ABHD5: variants seen among roughly 807,000 people sequenced by gnomAD.
The protein encoded by ABHD5 is 1-acylglycerol-3-phosphate O-acyltransferase ABHD5.
ABHD5 carries 30 observed loss-of-function variants against 44.9 expected under a neutral mutation model. The observed-to-expected ratio is 0.67, with a 90% CI of 0.50 to 0.91. ABHD5 has a LOEUF of 0.91. Ranked by LOEUF, ABHD5 falls within the 40% of genes least tolerant of loss-of-function variation. The probability of loss-of-function intolerance (pLI) is 0.00; values close to 1 mark genes in which losing one functional copy is unlikely to be tolerated. For synonymous variants in ABHD5, 167 were observed against 147.0 expected, an observed-to-expected ratio of 1.14 and a Z score of -0.99; for missense variants, 399 against 423.4, an observed-to-expected ratio of 0.94 and a Z score of 0.50.
In ABHD5 at chr3:43,718,563, TG is replaced by T; in HGVS notation, c.*32del. The stretch of plus-strand genomic sequence containing the variant: ...CTGAAGCTCTGATGGGAAAACCTGG[TG>T]ACTGATATAGTTGTTCAGCAATAAT... On this transcript the variant is annotated 3_prime_UTR_variant, in exon 7 of 7. Transcript: ENST00000644371. 2 of 1,589,308 alleles carry T rather than the reference TG, an allele frequency of 1.3e-6. No individual in the cohort carries two copies. The highest frequency in any genetic ancestry group is 2.7e-5 in the African/African-American group (2 of 74,524).
At chr3:43,732,311 T>C in intron 7 of ABHD5, among the ~76,000 whole-genome samples, 1 of 152,100 alleles carries the variant, frequency 6.6e-6, no homozygotes, top group East Asian at 1.9e-4. Flanking sequence ...GTGCCTGTAA[T>C]TCCAGCTACT....
intron 3 of ABHD5, 90 bp downstream of exon 3, chr3:43,702,677 G>GC: frequency 6.3e-7 from 1 of 1,589,968 alleles, no homozygotes; most frequent in Non-Finnish European, 8.6e-7. Context: ...TAGTGTCTGA[G>GC]CCACAAGGCA....
intron 3 of ABHD5, among the ~76,000 whole-genome samples, chr3:43,710,984 T>G (rs562352988): frequency 5.3e-5 from 8 of 152,206 alleles, no homozygotes; most frequent in Non-Finnish European, 7.3e-5. Context: ...TAATTGTATA[T>G]GAAGTTCTAC....
chr3:43,725,163 C>T (rs1423372286), downstream of ABHD5, among the ~76,000 whole-genome samples: 1 of 152,098 alleles, frequency 6.6e-6, no homozygotes, highest in African/African-American at 2.4e-5. Flanking sequence ...CTAAGAAACA[C>T]AGCCCCAATA....
chr3:43,692,274 A>G (rs1575597101), intron 1 of ABHD5, among the ~76,000 whole-genome samples: 1 of 152,186 alleles, frequency 6.6e-6, no homozygotes, highest in African/African-American at 2.4e-5. Context: ...AGTTTTGTTT[A>G]TTTGTTGAGG....
At chr3:43,702,623 G>A in intron 3 of ABHD5, 36 bp downstream of exon 3, 1 of 1,613,954 alleles carries the variant, frequency 6.2e-7, no homozygotes, top group South Asian at 1.1e-5. Flanking sequence ...GATTATAACT[G>A]TGCTTCCAAG....
chr3:43,692,604 C>T (rs778365328), intron 1 of ABHD5, among the ~76,000 whole-genome samples: 4 of 152,222 alleles, frequency 2.6e-5, no homozygotes, highest in Non-Finnish European at 4.4e-5. Context: ...TATGCTTTAG[C>T]AGTGTCCAGT....
chr3:43,711,561 G>A, intron 3 of ABHD5, 148 bp from the exon 4 acceptor site: 1 of 852,370 alleles, frequency 1.2e-6, no homozygotes. Context: ...CAGAATAAGA[G>A]CATGATACGA....
Position 43,714,302 on chromosome 3 carries a change from T to G in ABHD5, c.662-645T>G, listed in dbSNP as rs865971087. On this transcript the variant is annotated intron_variant, in intron 4 of 6. Coordinates refer to ENST00000644371, the MANE Select transcript of ABHD5 (RefSeq NM_016006.6). ...GGTGCACGCCACCACGCCCGGCTAA[T>G]TTTTGTATTTTTAGTAGAGACAGGG... 5.1e-4 allele frequency among the ~76,000 whole-genome samples: 78 copies of G among 151,982 alleles called. 1 individual carries two copies. Among genetic ancestry groups the G allele is most frequent in the Admixed American group, 4.3e-3 (65 of 15,276 alleles).
At chr3:43,696,790 C>G (rs568992994) in intron 1 of ABHD5, among the ~76,000 whole-genome samples, 1 of 152,186 alleles carries the variant, frequency 6.6e-6, no homozygotes, top group South Asian at 2.1e-4. Flanking sequence ...TGAAACTGGA[C>G]AGAAGCATTA....
chr3:43,718,922 G>A lies in ABHD5; in HGVS notation c.*390G>A. ...ATTTCTGAGTCTCTTACACTGTAAA[G>A]GTGCACTTTATTTTCTTTGTCTTCC... is the stretch of plus-strand genomic sequence containing the variant. On this transcript the variant is annotated 3_prime_UTR_variant, in exon 7 of 7. Coordinates refer to ENST00000644371, the MANE Select transcript of ABHD5 (RefSeq NM_016006.6). 5.7e-6 allele frequency: 1 copy of A among 174,452 alleles called. No individual in the cohort carries two copies. Among genetic ancestry groups the A allele is most frequent in the Admixed American group, 5.8e-5 (1 of 17,318 alleles). The allele number at this position is 174,452 out of a possible 1,614,324, so 10.8% of individuals were successfully genotyped here.
intron 1 of ABHD5, among the ~76,000 whole-genome samples, chr3:43,696,855 C>A (rs1004287749): frequency 6.6e-6 from 1 of 151,918 alleles, no homozygotes; most frequent in Admixed American, 6.6e-5. Flanking sequence ...GTAAAAATAT[C>A]TTGCTATGTT....
downstream of ABHD5, chr3:43,722,803 G>C (rs2084851673): frequency 6.6e-6 from 1 of 152,162 alleles, no homozygotes; most frequent in Non-Finnish European, 1.5e-5. Flanking sequence ...ATATTTACTT[G>C]TGTCATTGGA....
chr3:43,699,574 A>G, intron 2 of ABHD5: 1 of 534,488 alleles, frequency 1.9e-6, no homozygotes, highest in Non-Finnish European at 3.4e-6. Context: ...CCCCTGTTAT[A>G]CTCTTAAATT....
At chr3:43,731,021 G>A (rs1262950102) in intron 7 of ABHD5, among the ~76,000 whole-genome samples, 1 of 151,814 alleles carries the variant, frequency 6.6e-6, no homozygotes, top group Non-Finnish European at 1.5e-5. Context: ...ATAGAGACAG[G>A]GTTTCACCAT....
chr3:43,690,971 C>T lies in ABHD5; in HGVS notation c.-22C>T, dbSNP rs371780182. Reference sequence around the variant, plus strand: ...TGTCAGCCGGCTTCGAGATAAGTCCCGGCGCTTGCGCGGCGGCGGCTATGG... The same window carrying T: ...TGTCAGCCGGCTTCGAGATAAGTCCTGGCGCTTGCGCGGCGGCGGCTATGG... On this transcript the variant is annotated 5_prime_UTR_variant, in exon 1 of 7. Transcript: ENST00000644371. 2.5e-5 allele frequency: 39 copies of T among 1,569,070 alleles called. No homozygotes were observed. Among genetic ancestry groups the T allele is most frequent in the South Asian group, 5.8e-5 (5 of 86,842 alleles).
At chr3:43,694,447 C>G (rs1011867612) in intron 1 of ABHD5, among the ~76,000 whole-genome samples, 1 of 151,762 alleles carries the variant, frequency 6.6e-6, no homozygotes, top group African/African-American at 2.4e-5. Flanking sequence ...TCAGTTGAGA[C>G]CTAGGATTTT....
chr3:43,695,670 T>C (rs908264792), intron 1 of ABHD5, among the ~76,000 whole-genome samples: 1 of 152,218 alleles, frequency 6.6e-6, no homozygotes, highest in Non-Finnish European at 1.5e-5. Context: ...GATAGACAGA[T>C]GTGTTAAAGA....
chr3:43,712,057 T>C (rs960611716), intron 4 of ABHD5, among the ~76,000 whole-genome samples, 194 bp downstream of exon 4: 14 of 152,222 alleles, frequency 9.2e-5, no homozygotes. Context: ...GGAGAGTCTT[T>C]ATATTGTAAA....
Sources: gnomAD v4.1 joint callset for allele counts (sites outside exome capture counted in the v4.1 genomes callset) on GRCh38, gnomAD v4.1.1 for gene constraint, MANE v1.5 for transcripts, NCBI Gene and HGNC (gene_info 2026-07-23, HGNC 2026-07-21) for gene names.